CMC1: variants seen among roughly 807,000 people sequenced by gnomAD.
CMC1 encodes the protein C-X9-C motif containing 1.
In CMC1, 14 loss-of-function variants were observed where a neutral mutation model predicts 14.1. The ratio of observed to expected loss-of-function variants is 0.99; its 90% confidence interval spans 0.66 to 1.55. CMC1 has a LOEUF of 1.55. CMC1 is among the 40% of genes most tolerant of loss of function. CMC1 has a pLI of 0.00. For missense variants in CMC1, 127 were observed against 123.8 expected (o/e 1.03, Z -0.12); for synonymous variants, 50 against 38.4 (o/e 1.30, Z -1.12).
intron 2 of CMC1, among the ~76,000 whole-genome samples, chr3:28,285,822 A>T (rs1030850593): frequency 6.7e-6 from 1 of 149,366 alleles, no homozygotes; most frequent in African/African-American, 2.5e-5. Context: ...GCTGGAGTGC[A>T]GTGGCGCGAT....
At chr3:28,252,005 T>C (rs1199834894) in intron 1 of CMC1, among the ~76,000 whole-genome samples, 1 of 152,238 alleles carries the variant, frequency 6.6e-6, no homozygotes, top group Admixed American at 6.5e-5. Flanking sequence ...AAAGTAAATG[T>C]GAAACTTGTT....
intron 2 of CMC1, among the ~76,000 whole-genome samples, chr3:28,264,395 G>A (rs1453354679): frequency 6.6e-6 from 1 of 152,152 alleles, no homozygotes; most frequent in Non-Finnish European, 1.5e-5. Flanking sequence ...TGCAATTGAT[G>A]AATGGAGGCA....
intron 2 of CMC1, among the ~76,000 whole-genome samples, chr3:28,269,602 G>C (rs976555455): frequency 1.3e-5 from 2 of 149,908 alleles, no homozygotes; most frequent in East Asian, 2.0e-4. Context: ...GTCTCTCTCT[G>C]TTGCCTAAGC....
At chr3:28,254,569 C>T (rs911921919) in intron 1 of CMC1, among the ~76,000 whole-genome samples, 3 of 151,942 alleles carry the variant, frequency 2.0e-5, no homozygotes, top group Admixed American at 1.3e-4. Context: ...GCTTAGAATT[C>T]GTAATGTAGG....
Position 28,319,716 on chromosome 3 carries a change from T to G in CMC1, c.*87T>G. 4 of 1,056,580 alleles carry G rather than the reference T, an allele frequency of 3.8e-6. No homozygotes were observed. The South Asian group carries it at 6.2e-5, about 16-fold the overall frequency. The allele number at this position is 1,056,580 out of a possible 1,614,324, so 65.5% of individuals were successfully genotyped here. ...AATAATGGACTCAAGCATATATGTT[T>G]GCTTTACCTTAATTATGGAAATATT... On this transcript the variant is annotated 3_prime_UTR_variant, in exon 4 of 4. Transcript: ENST00000466830.
intron 2 of CMC1, among the ~76,000 whole-genome samples, chr3:28,274,220 CTTTTTTTT>C (rs544985268): frequency 8.9e-6 from 1 of 112,326 alleles, no homozygotes; most frequent in African/African-American, 3.3e-5. Flanking sequence ...TTGTTTTTTT[CTTTTTTTT>C]TTTTTTTGCA....
At chr3:28,280,355 T>C (rs760416657) in intron 2 of CMC1, among the ~76,000 whole-genome samples, 3 of 152,186 alleles carry the variant, frequency 2.0e-5, no homozygotes, top group Non-Finnish European at 4.4e-5. Flanking sequence ...TACTTTTGTT[T>C]CATTGAATGG....
chr3:28,241,846 C>A, intron 1 of CMC1, 34 bp downstream of exon 1: 1 of 1,236,008 alleles, frequency 8.1e-7, no homozygotes. Flanking sequence ...TGCCGAGGGG[C>A]CTCGCCCCGG....
intron 1 of CMC1, chr3:28,253,641 A>T: frequency 1.4e-6 from 1 of 693,904 alleles, no homozygotes; most frequent in Non-Finnish European, 2.1e-6. Context: ...AGCTAAACAA[A>T]CAAAGAAGAG....
At chr3:28,308,805 A>G (rs1702467501) in intron 2 of CMC1, among the ~76,000 whole-genome samples, 1 of 152,106 alleles carries the variant, frequency 6.6e-6, no homozygotes. Context: ...CAACATGGTG[A>G]AACCCCATCT....
At chr3:28,247,536 C>T (rs899408600) in intron 1 of CMC1, among the ~76,000 whole-genome samples, 16 of 152,166 alleles carry the variant, frequency 1.1e-4, no homozygotes, top group Non-Finnish European at 4.4e-5. Flanking sequence ...GCAAGGAAAA[C>T]AGCAAAGGGC....
intron 2 of CMC1, among the ~76,000 whole-genome samples, chr3:28,291,133 T>C (rs1224451679): frequency 1.3e-5 from 2 of 152,162 alleles, no homozygotes; most frequent in African/African-American, 4.8e-5. Context: ...GAACATCTGG[T>C]AAGACATGCC....
intron 1 of CMC1, chr3:28,253,763 CAAGT>C (rs1699257684): frequency 4.7e-6 from 6 of 1,280,002 alleles, no homozygotes; most frequent in East Asian, 5.6e-5. Context: ...TCTTCAGGAG[CAAGT>C]AAGTGTTAAC....
chr3:28,292,182 C>A (rs985644389), intron 2 of CMC1, among the ~76,000 whole-genome samples: 1 of 151,912 alleles, frequency 6.6e-6, no homozygotes, highest in Admixed American at 6.6e-5. Context: ...TTCCTTTTTT[C>A]CTACTTTTTG....
intron 2 of CMC1, among the ~76,000 whole-genome samples, chr3:28,265,409 T>C (rs961382098): frequency 1.3e-5 from 2 of 152,160 alleles, no homozygotes; most frequent in East Asian, 1.9e-4. Flanking sequence ...TCAACAGTTA[T>C]ACATAATTTA....
intron 2 of CMC1, among the ~76,000 whole-genome samples, chr3:28,295,222 A>G (rs1701677626): frequency 6.6e-6 from 1 of 152,164 alleles, no homozygotes; most frequent in Non-Finnish European, 1.5e-5. Context: ...GATTCCCACA[A>G]GAGTAACTTA....
rs1703198790 is a variant in CMC1, at chr3:28,321,868, G to A, written c.*2239G>A. 6.6e-6 allele frequency: 1 copy of A among 151,250 alleles called. No homozygotes were observed. Among genetic ancestry groups the A allele is most frequent in the Non-Finnish European group, 1.5e-5 (1 of 67,488 alleles). 9.4% of individuals were successfully genotyped at this position (151,250 alleles called of 1,614,324 possible). ...GAAGGAATAGGTGGCTTTTTGTTATGTTTTCTTCATTCTGTCGATTTATGG... is the reference window on the plus strand; with the variant it reads ...GAAGGAATAGGTGGCTTTTTGTTATATTTTCTTCATTCTGTCGATTTATGG... On this transcript the variant is annotated 3_prime_UTR_variant, in exon 4 of 4. Coordinates refer to ENST00000466830, the MANE Select transcript of CMC1 (RefSeq NM_182523.2).
chr3:28,300,697 C>CCCTCCCTTTT, intron 2 of CMC1, among the ~76,000 whole-genome samples: 1 of 79,920 alleles, frequency 1.3e-5, no homozygotes, highest in Non-Finnish European at 2.9e-5. Context: ...CCCTCCCTTT[C>CCCTCCCTTTT]CCTCCCTCTC....
At chr3:28,253,044 C>T (rs1191686597) in intron 1 of CMC1, among the ~76,000 whole-genome samples, 3 of 152,104 alleles carry the variant, frequency 2.0e-5, no homozygotes, top group Admixed American at 6.5e-5. Context: ...GATGTCTCTT[C>T]GTCTACCCTT....
Sources: allele counts gnomAD v4.1 joint callset (sites outside exome capture counted in the v4.1 genomes callset), GRCh38; gene constraint gnomAD v4.1.1; transcripts MANE v1.5; gene names NCBI Gene and HGNC (gene_info 2026-07-23, HGNC 2026-07-21).